Variants in XKR6 observed in about 807,000 individuals in gnomAD.
XKR6 encodes the protein XK related 6, also known as XK-related protein 6.
Under a neutral mutation model 56.7 loss-of-function variants are expected in XKR6, and 22 were observed. The ratio of observed to expected loss-of-function variants is 0.39; its 90% confidence interval spans 0.28 to 0.55. The LOEUF (loss-of-function observed/expected upper bound fraction) is 0.55. Ranked by LOEUF, XKR6 falls within the 20% of genes least tolerant of loss-of-function variation. The probability of loss-of-function intolerance (pLI) is 0.66; values close to 1 mark genes in which losing one functional copy is unlikely to be tolerated. For missense variants in XKR6, 852 were observed against 889.0 expected, an observed-to-expected ratio of 0.96 and a Z score of 0.53; for synonymous variants, 524 against 387.8, an observed-to-expected ratio of 1.35 and a Z score of -4.13.
At chr8:11,023,423 C>T (rs1031223184) in intron 1 of XKR6, among the ~76,000 whole-genome samples, 2 of 152,232 alleles carry the variant, frequency 1.3e-5, no homozygotes, top group Admixed American at 6.5e-5. Context: ...AGTGCCACCA[C>T]ACCCGACTAA....
intron 1 of XKR6, among the ~76,000 whole-genome samples, chr8:11,034,203 G>C (rs905287473): frequency 1.3e-5 from 2 of 152,208 alleles, no homozygotes; most frequent in African/African-American, 2.4e-5. Context: ...GAGAAGCTGA[G>C]GGAGTTCAAC....
intron 1 of XKR6, among the ~76,000 whole-genome samples, chr8:11,142,971 T>G (rs1800782020): frequency 6.6e-6 from 1 of 152,236 alleles, no homozygotes; most frequent in Non-Finnish European, 1.5e-5. Context: ...CAATTCATTA[T>G]TTTGAAAGCT....
intron 1 of XKR6, among the ~76,000 whole-genome samples, chr8:11,122,234 A>G (rs1799493059): frequency 6.6e-6 from 1 of 152,262 alleles, no homozygotes; most frequent in South Asian, 2.1e-4. Flanking sequence ...GACAGAAGAC[A>G]TGAAACCAGT....
At chr8:11,131,640 T>G (rs1025001394) in intron 1 of XKR6, among the ~76,000 whole-genome samples, 32 of 152,172 alleles carry the variant, frequency 2.1e-4, no homozygotes, top group Admixed American at 2.1e-3. Context: ...CTAGCTCTCC[T>G]TTTCCAGTCA....
At chr8:10,947,506 G>A (rs1334936682) in intron 1 of XKR6, among the ~76,000 whole-genome samples, 2 of 152,122 alleles carry the variant, frequency 1.3e-5, no homozygotes, top group African/African-American at 2.4e-5. Flanking sequence ...AAACACCATT[G>A]CTTAGCTTCC....
chr8:11,123,143 A>G (rs1799538774), intron 1 of XKR6, among the ~76,000 whole-genome samples: 1 of 150,752 alleles, frequency 6.6e-6, no homozygotes, highest in African/African-American at 2.4e-5. Flanking sequence ...AGGCTGAGGC[A>G]GGAGAATGGC....
At chr8:11,064,613 A>G (rs1458233748) in intron 1 of XKR6, among the ~76,000 whole-genome samples, 9 of 152,220 alleles carry the variant, frequency 5.9e-5, no homozygotes, top group Admixed American at 5.9e-4. Flanking sequence ...ACTTCTGTCA[A>G]GTTTCCTCAG....
intron 2 of XKR6, among the ~76,000 whole-genome samples, chr8:10,902,731 A>G (rs947048144): frequency 2.0e-5 from 3 of 152,214 alleles, no homozygotes; most frequent in Admixed American, 6.5e-5. Context: ...CCCAAGACCA[A>G]GAAGAACACC....
At chr8:11,145,788 T>C (rs1043079439) in intron 1 of XKR6, among the ~76,000 whole-genome samples, 25 of 152,200 alleles carry the variant, frequency 1.6e-4, no homozygotes, top group African/African-American at 5.3e-4. Context: ...AAAACTGATC[T>C]GCTAACTCAA....
chr8:11,127,737 T>C (rs1054324949), intron 1 of XKR6, among the ~76,000 whole-genome samples: 2 of 152,170 alleles, frequency 1.3e-5, no homozygotes, highest in Non-Finnish European at 2.9e-5. Context: ...CTTAATCACC[T>C]CTGTAAAGTC....
At chr8:10,947,401 A>G (rs533277468) in intron 1 of XKR6, among the ~76,000 whole-genome samples, 1 of 152,266 alleles carries the variant, frequency 6.6e-6, no homozygotes, top group South Asian at 2.1e-4. Context: ...GGAGATGCAG[A>G]CAGTGGAGTT....
intron 1 of XKR6, among the ~76,000 whole-genome samples, chr8:11,101,042 T>G (rs1798456839): frequency 6.6e-6 from 1 of 152,182 alleles, no homozygotes; most frequent in South Asian, 2.1e-4. Flanking sequence ...CGAAAGAGGC[T>G]GTCGCTAAAA....
chr8:11,056,174 G>C (rs2129161819), intron 1 of XKR6, among the ~76,000 whole-genome samples: 1 of 152,334 alleles, frequency 6.6e-6, no homozygotes, highest in African/African-American at 2.4e-5. Flanking sequence ...GAGGCTTCCG[G>C]AGGCGTCCTG....
intron 1 of XKR6, among the ~76,000 whole-genome samples, chr8:11,092,099 C>T (rs1798091529): frequency 6.6e-6 from 1 of 152,112 alleles, no homozygotes; most frequent in South Asian, 2.1e-4. Context: ...GTGAGATAAA[C>T]AAAGAGTATA....
Position 11,201,388 on chromosome 8 carries a change from G to GT in XKR6, c.-50_-49insA. 8.9e-7 allele frequency: 1 copy of GT among 1,118,528 alleles called. No individual in the cohort carries two copies. Among genetic ancestry groups the GT allele is most frequent in the South Asian group, 1.7e-5 (1 of 58,486 alleles). 69.3% of individuals were successfully genotyped at this position (1,118,528 alleles called of 1,614,324 possible). A position where few individuals can be genotyped will look rare whatever the true frequency, so the allele number is the denominator to read the frequency against. ...AGGTTGGGGGGGAGGGACGGCGGGG[G>GT]GGGGGGGAAGAAGGCAGGGAACGGG... On this transcript the variant is annotated 5_prime_UTR_variant, in exon 1 of 3. Coordinates refer to ENST00000416569, the MANE Select transcript of XKR6 (RefSeq NM_173683.4).
At chr8:11,020,090 G>C (rs1190826869) in intron 1 of XKR6, among the ~76,000 whole-genome samples, 1 of 152,038 alleles carries the variant, frequency 6.6e-6, no homozygotes, top group Non-Finnish European at 1.5e-5. Context: ...CCCACCCAAG[G>C]CCCAGTCCCC....
intron 1 of XKR6, among the ~76,000 whole-genome samples, chr8:11,097,231 G>C (rs1426408395): frequency 1.3e-5 from 2 of 152,132 alleles, no homozygotes; most frequent in East Asian, 1.9e-4. Context: ...GATAATAAAA[G>C]TATTTGTGTA....
chr8:11,168,849 T>C (rs1243914999), intron 1 of XKR6, among the ~76,000 whole-genome samples: 1 of 152,236 alleles, frequency 6.6e-6, no homozygotes, highest in Non-Finnish European at 1.5e-5. Flanking sequence ...GAAATGCCTT[T>C]GTTCTTTGTA....
intron 1 of XKR6, among the ~76,000 whole-genome samples, chr8:11,151,337 A>G (rs1053540916): frequency 6.6e-6 from 1 of 152,216 alleles, no homozygotes; most frequent in African/African-American, 2.4e-5. Context: ...TACACTGTGC[A>G]TTTGCTAGGT....
Sources: gnomAD v4.1 joint callset for allele counts (sites outside exome capture counted in the v4.1 genomes callset) on GRCh38, gnomAD v4.1.1 for gene constraint, MANE v1.5 for transcripts, NCBI Gene and HGNC (gene_info 2026-07-23, HGNC 2026-07-21) for gene names.